RTN4IP1: variants seen among roughly 807,000 people sequenced by gnomAD.
RTN4IP1 encodes the protein NAD(P)H oxidoreductase RTN4IP1, mitochondrial.
Under a neutral mutation model 46.6 loss-of-function variants are expected in RTN4IP1, and 32 were observed. The ratio of observed to expected loss-of-function variants is 0.69; its 90% confidence interval spans 0.52 to 0.92. The LOEUF (loss-of-function observed/expected upper bound fraction) is 0.92, where lower values mean the gene tolerates loss of function less well. RTN4IP1 is among the 40% of genes least tolerant of loss of function. The pLI is 0.00. For synonymous variants in RTN4IP1, 167 were observed against 161.8 expected, an observed-to-expected ratio of 1.03 and a Z score of -0.24; for missense variants, 424 against 485.8, an observed-to-expected ratio of 0.87 and a Z score of 1.20.
At chr6:106,619,768 C>T (rs1000239147) in intron 3 of RTN4IP1, among the ~76,000 whole-genome samples, 5 of 149,272 alleles carry the variant, frequency 3.3e-5, no homozygotes, top group African/African-American at 1.3e-4. Context: ...CCCGCCACTG[C>T]GCCCAGCTAA....
intron 6 of RTN4IP1, among the ~76,000 whole-genome samples, chr6:106,588,875 C>T (rs911884444): frequency 6.6e-6 from 1 of 151,932 alleles, no homozygotes; most frequent in African/African-American, 2.4e-5. Context: ...CTTTGGGAGG[C>T]CGAGTCGGGT....
chr6:106,626,371 G>A (rs1054830169), intron 1 of RTN4IP1, among the ~76,000 whole-genome samples: 9 of 152,148 alleles, frequency 5.9e-5, no homozygotes, highest in African/African-American at 7.2e-5. Context: ...AACTTCACTT[G>A]TAATATTCAC....
At chr6:106,622,771 G>C (rs1776513822) in intron 2 of RTN4IP1, 47 bp downstream of exon 2, 1 of 1,574,138 alleles carries the variant, frequency 6.4e-7, no homozygotes. Flanking sequence ...CTGGATCAGG[G>C]TCTGTGGGTT....
intron 4 of RTN4IP1, among the ~76,000 whole-genome samples, chr6:106,606,170 C>A (rs554796716): frequency 6.6e-6 from 1 of 152,248 alleles, no homozygotes; most frequent in African/African-American, 2.4e-5. Context: ...GCCTGTAATC[C>A]CAACACTTCA....
chr6:106,595,967 C>T (rs1313159837), intron 5 of RTN4IP1, among the ~76,000 whole-genome samples: 1 of 151,954 alleles, frequency 6.6e-6, no homozygotes, highest in East Asian at 1.9e-4. Context: ...CAAAAGTGAC[C>T]TCTTTTGAAA....
In RTN4IP1 at chr6:106,617,501, C is replaced by T. The variant is rs1776383702; in HGVS notation, c.620+1701G>A. Among the ~76,000 whole-genome samples the T allele has an allele frequency of 2.0e-5, 3 of 152,286 alleles. No homozygotes were observed. The East Asian group carries it at 5.8e-4, about 29-fold the overall frequency. ...ATACTCATAAACTCAGAGGAAACCA[C>T]AAAGAGACCATAAATATATAGCATG... is the stretch of plus-strand genomic sequence containing the variant. On this transcript the variant is annotated intron_variant, in intron 4 of 8. Transcript: ENST00000369063.
intron 5 of RTN4IP1, among the ~76,000 whole-genome samples, chr6:106,599,617 G>A (rs1775891796): frequency 6.6e-6 from 1 of 151,978 alleles, no homozygotes. Context: ...ACTTCACTGT[G>A]TGCAATTATA....
intron 8 of RTN4IP1, among the ~76,000 whole-genome samples, chr6:106,577,122 T>C (rs1353933312): frequency 6.6e-6 from 1 of 152,100 alleles, no homozygotes; most frequent in Non-Finnish European, 1.5e-5. Flanking sequence ...AGAATATACA[T>C]GTATCAATAA....
intron 4 of RTN4IP1, among the ~76,000 whole-genome samples, chr6:106,605,132 T>C (rs1776030890): frequency 1.3e-5 from 2 of 152,306 alleles, no homozygotes; most frequent in Non-Finnish European, 1.5e-5. Flanking sequence ...GGCACCCCTA[T>C]GTCCAACAAA....
At position 106,628,785 on chromosome 6, in the gene RTN4IP1, G is replaced by A. The variant is rs1226273157; in HGVS notation, c.237C>T (p.His79=). 1 of 1,613,810 alleles carries A rather than the reference G, an allele frequency of 6.2e-7. No homozygotes were observed. The highest frequency in any genetic ancestry group is 2.2e-5 in the East Asian group (1 of 44,876). The change falls in exon 1 of 9, where the codon CAC becomes CAT. Residue 79 remains histidine, a synonymous_variant. Coordinates refer to ENST00000369063, the MANE Select transcript of RTN4IP1 (RefSeq NM_032730.5). ...CGTCTATAGGATTTACACTGGCAGC[G>A]TGAACTTTGACAATGACTTCATTTG... ...HYPNEVIVKV[H]AASVNPIDVN...
At chr6:106,577,617 G>C (rs1775261452) in intron 8 of RTN4IP1, among the ~76,000 whole-genome samples, 1 of 152,118 alleles carries the variant, frequency 6.6e-6, no homozygotes, top group South Asian at 2.1e-4. Flanking sequence ...TTCACATCCT[G>C]ATTCCCAAAA....
chr6:106,619,086 T>C (rs1333109643), intron 4 of RTN4IP1, 116 bp downstream of exon 4: 24 of 1,168,254 alleles, frequency 2.1e-5, no homozygotes, highest in Non-Finnish European at 2.8e-5. Flanking sequence ...CAAATGTTAG[T>C]ACAGCTCTGT....
At position 106,580,182 on chromosome 6, in the gene RTN4IP1, C is replaced by A. The variant is rs1372621125; in HGVS notation, c.1083+3146G>T. On this transcript the variant is annotated intron_variant, in intron 8 of 8. Coordinates refer to ENST00000369063, the MANE Select transcript of RTN4IP1 (RefSeq NM_032730.5). ...TGAGCTGAGATCGCGCCACTGCACT[C>A]CAGCCTGGGCGACAGAGCAAGACTC... Among the ~76,000 whole-genome samples, 4 of 145,124 alleles carry A rather than the reference C, an allele frequency of 2.8e-5. No individual in the cohort carries two copies. In the East Asian group the frequency reaches 6.1e-4, roughly 22 times the overall value.
intron 6 of RTN4IP1, among the ~76,000 whole-genome samples, chr6:106,589,309 GGAGGAGGAA>G (rs1775589738): frequency 7.2e-6 from 1 of 139,576 alleles, no homozygotes; most frequent in South Asian, 2.5e-4. Flanking sequence ...AAGAGGAGGA[GGAGGAGGAA>G]GAGGAAGAAG....
intron 5 of RTN4IP1, among the ~76,000 whole-genome samples, chr6:106,593,525 A>C (rs1021526657): frequency 1.3e-5 from 2 of 152,200 alleles, no homozygotes; most frequent in African/African-American, 4.8e-5. Flanking sequence ...TCTTGTCCTA[A>C]GTATCAATTT....
At chr6:106,591,467 G>A (rs1406438739) in intron 6 of RTN4IP1, among the ~76,000 whole-genome samples, 1 of 151,932 alleles carries the variant, frequency 6.6e-6, no homozygotes, top group Non-Finnish European at 1.5e-5. Context: ...TCTACTCAAT[G>A]TGGTCAAGAG....
At chr6:106,599,912 A>C (rs887228248) in intron 5 of RTN4IP1, among the ~76,000 whole-genome samples, 17 of 151,276 alleles carry the variant, frequency 1.1e-4, no homozygotes, top group Admixed American at 5.3e-4. Context: ...AAGTGGCTGT[A>C]TCAATTTATA....
upstream of RTN4IP1, chr6:106,629,632 C>CTTT (rs748326430): frequency 3.2e-6 from 5 of 1,577,348 alleles, no homozygotes; most frequent in Non-Finnish European, 3.4e-6. Context: ...CCGGTGACCT[C>CTTT]TTTTTCCCCC....
upstream of RTN4IP1, chr6:106,629,548 C>A: frequency 8.8e-7 from 1 of 1,140,244 alleles, no homozygotes; most frequent in Middle Eastern, 2.9e-4. Flanking sequence ...TGCAATTCAA[C>A]CAATCCAAGT....
Sources: allele counts gnomAD v4.1 joint callset (sites outside exome capture counted in the v4.1 genomes callset), GRCh38; gene constraint gnomAD v4.1.1; transcripts MANE v1.5; gene names NCBI Gene and HGNC (gene_info 2026-07-23, HGNC 2026-07-21).